The following TKTL1 variants were observed in gnomAD, a reference collection of about 807,000 sequenced individuals.
TKTL1 encodes the protein transketolase-like protein 1.
Under a neutral mutation model 39.3 loss-of-function variants are expected in TKTL1, and 1 was observed. The observed-to-expected ratio is 0.03, with a 90% CI of 0.01 to 0.12. The LOEUF (loss-of-function observed/expected upper bound fraction) is 0.12, where lower values mean the gene tolerates loss of function less well. Ranked by LOEUF, TKTL1 falls within the 10% of genes least tolerant of loss-of-function variation. The pLI, the probability that TKTL1 is intolerant of heterozygous loss-of-function variation, is 1.00. For missense variants in TKTL1, 575 were observed against 509.6 expected, an observed-to-expected ratio of 1.13 and a Z score of -1.24; for synonymous variants, 262 against 193.8, an observed-to-expected ratio of 1.35 and a Z score of -2.92.
chrX:154,304,863 G>A, intron 1 of TKTL1: 1 of 444,581 alleles, frequency 2.2e-6, no homozygotes, highest in Middle Eastern at 4.5e-4. Flanking sequence ...TTCAGAAAGG[G>A]CCTCAGTTAC....
At chrX:154,297,640 C>G (rs1237474964) in intron 1 of TKTL1, among the ~76,000 whole-genome samples, 1 of 111,362 alleles carries the variant, frequency 9.0e-6, no homozygotes, top group Non-Finnish European at 1.9e-5. Flanking sequence ...AGTGTTCCAC[C>G]TTAAATTTTT....
intron 3 of TKTL1, 58 bp from the exon 4 acceptor site, chrX:154,310,774 ATTTG>A (rs2067350557): frequency 9.8e-6 from 10 of 1,020,590 alleles, no homozygotes; most frequent in South Asian, 2.1e-5. Context: ...CCTGAAATGC[ATTTG>A]TTTGGTTGGC....
chrX:154,304,291 TGGAGAATGTGCACGCCAGCCCTGCA>T (rs1253735278), intron 1 of TKTL1, among the ~76,000 whole-genome samples: 1 of 110,951 alleles, frequency 9.0e-6, no homozygotes, highest in Non-Finnish European at 1.9e-5. Flanking sequence ...CGAGGGGTCC[TGGAGAATGTGCACGCCAGCCCTGCA>T]GGAGAATGTC....
chrX:154,313,191 G>C (rs1557168764), intron 6 of TKTL1, among the ~76,000 whole-genome samples: 1 of 112,165 alleles, frequency 8.9e-6, no homozygotes, highest in African/African-American at 3.2e-5. Flanking sequence ...TCCTGGTGTG[G>C]TGTGCCTTTT....
intron 9 of TKTL1, among the ~76,000 whole-genome samples, chrX:154,324,371 C>T (rs1202296092): frequency 8.9e-6 from 1 of 112,256 alleles, no homozygotes; most frequent in Non-Finnish European, 1.9e-5. Flanking sequence ...AACTCCTGGC[C>T]TCAAGTGATC....
At chrX:154,312,006 G>C (rs1456576546) in intron 5 of TKTL1, among the ~76,000 whole-genome samples, 5 of 110,363 alleles carry the variant, frequency 4.5e-5, no homozygotes, top group Non-Finnish European at 9.5e-5. Context: ...AGTTCCAGCT[G>C]GCCTCCCTCC....
At chrX:154,314,969 C>T (rs782380873) in intron 6 of TKTL1, among the ~76,000 whole-genome samples, 2 of 111,472 alleles carry the variant, frequency 1.8e-5, no homozygotes, top group Non-Finnish European at 1.9e-5. Flanking sequence ...AACTTGGGTG[C>T]CACATCAGCC....
rs1603351775 is a variant in TKTL1 at position 154,305,514 on chromosome X, C to A, written c.252+93C>A. 7 of 1,043,156 alleles carry A rather than the reference C, an allele frequency of 6.7e-6. No individual in the cohort carries two copies. In the East Asian group the frequency reaches 2.2e-4, roughly 33 times the overall value. The allele number at this position is 1,043,156 out of a possible 1,213,427, so 86.0% of individuals were successfully genotyped here. A position where few individuals can be genotyped will look rare whatever the true frequency, so the allele number is the denominator to read the frequency against. On this transcript the variant is annotated intron_variant, in intron 2 of 12. Transcript: ENST00000369915. ...TGTGGGAACAAGGCCTGAAATGGGC[C>A]TCGTTTATTATTTTGGTTCTTCTTT...
intron 12 of TKTL1, among the ~76,000 whole-genome samples, 166 bp from the exon 13 acceptor site, chrX:154,329,350 G>C (rs903616404): frequency 6.2e-5 from 7 of 112,156 alleles, no homozygotes; most frequent in Non-Finnish European, 1.3e-4. Context: ...AGAGCAGTTT[G>C]GAAACTGGCA....
intron 3 of TKTL1, among the ~76,000 whole-genome samples, chrX:154,310,474 G>C (rs1440103734): frequency 1.8e-5 from 2 of 112,403 alleles, no homozygotes; most frequent in Non-Finnish European, 3.8e-5. Context: ...TGCTTTAAAA[G>C]GGAACTTACC....
intron 7 of TKTL1, among the ~76,000 whole-genome samples, chrX:154,319,839 A>C (rs1288023991): frequency 2.7e-5 from 3 of 111,627 alleles, no homozygotes; most frequent in Non-Finnish European, 5.7e-5. Flanking sequence ...TGTAACACCC[A>C]CAGCCACATC....
At chrX:154,317,301 C>G (rs186968204) in intron 7 of TKTL1, among the ~76,000 whole-genome samples, 450 of 111,872 alleles carry the variant, frequency 4.0e-3, no homozygotes, top group Middle Eastern at 0.018. Context: ...TAGAGCTTGA[C>G]CAGGGGCAGT....
chrX:154,327,603 T>C lies in TKTL1; in HGVS notation c.1414T>C (p.Cys472Arg). 8.3e-7 allele frequency: 1 copy of C among 1,210,170 alleles called. No homozygotes were observed. Residue 472 changes from cysteine to arginine, a missense_variant, in exon 11 of 13, where the codon TGT (cysteine) becomes CGT (arginine). Coordinates refer to ENST00000369915, the MANE Select transcript of TKTL1 (RefSeq NM_012253.4). Reference sequence around the variant, plus strand: ...GGCACTATACCAGGTCCTCCGCCACTGTGTCAGTGACAAGGTCACAGTTAT... The same window carrying C: ...GGCACTATACCAGGTCCTCCGCCACCGTGTCAGTGACAAGGTCACAGTTAT... Reference protein sequence around the residue: ...EIGQAKVLRHCVSDKVTVIGA... With the variant: ...EIGQAKVLRHRVSDKVTVIGA...
rs1557172763 is a variant in TKTL1, at chrX:154,329,590, G to A, written c.1693G>A (p.Gly565Arg). 8.3e-7 allele frequency: 1 copy of A among 1,210,169 alleles called. No homozygotes were observed. The highest frequency in any genetic ancestry group is 1.1e-6 in the Non-Finnish European group (1 of 895,132). The change falls in exon 13 of 13, where the codon GGA becomes AGA. Residue 565 changes from glycine to arginine, a missense_variant. Coordinates refer to ENST00000369915, the MANE Select transcript of TKTL1 (RefSeq NM_012253.4). ...DIQVHSLAVS[G>R]VPQSGKSEEL... ...TCAGGTTCATTCGCTGGCAGTGTCG[G>A]GAGTGCCCCAGAGTGGGAAGTCCGA...
At chrX:154,312,907 A>G (rs2067369823) in intron 6 of TKTL1, 134 bp downstream of exon 6, 1 of 610,657 alleles carries the variant, frequency 1.6e-6, no homozygotes, top group East Asian at 3.6e-5. Context: ...GTGACATGTA[A>G]CTAACAGTTC....
intron 5 of TKTL1, among the ~76,000 whole-genome samples, chrX:154,311,814 C>T (rs2067360085): frequency 9.0e-6 from 1 of 111,305 alleles, no homozygotes; most frequent in African/African-American, 3.3e-5. Context: ...TACTCTGGTA[C>T]CCTCCGTTCA....
At chrX:154,306,747 C>T (rs782195525) in intron 2 of TKTL1, among the ~76,000 whole-genome samples, 1 of 109,910 alleles carries the variant, frequency 9.1e-6, no homozygotes, top group Non-Finnish European at 1.9e-5. Context: ...AGCGATCTTC[C>T]CATTTCAGCC....
At chrX:154,309,946 G>T (rs1480588379) in intron 3 of TKTL1, among the ~76,000 whole-genome samples, 1 of 108,960 alleles carries the variant, frequency 9.2e-6, no homozygotes, top group Non-Finnish European at 1.9e-5. Flanking sequence ...TGTTGGCCAG[G>T]CTGGTTTCAA....
At chrX:154,322,496 G>A (rs920013388) in intron 8 of TKTL1, among the ~76,000 whole-genome samples, 54 of 111,099 alleles carry the variant, frequency 4.9e-4, no homozygotes, top group African/African-American at 1.7e-3. Flanking sequence ...GACCTAGTGC[G>A]CTCAAGCCTG....
Sources: allele counts gnomAD v4.1 joint callset (sites outside exome capture counted in the v4.1 genomes callset), GRCh38; gene constraint gnomAD v4.1.1; transcripts MANE v1.5; gene names NCBI Gene and HGNC (gene_info 2026-07-23, HGNC 2026-07-21).